RTN1: variants seen among roughly 807,000 people sequenced by gnomAD.
The protein encoded by RTN1 is reticulon-1.
A neutral mutation model predicts 65.5 loss-of-function variants in RTN1; 25 were observed. That is an observed-to-expected ratio of 0.38 (90% CI 0.28 to 0.53). The LOEUF (loss-of-function observed/expected upper bound fraction) is 0.53. Ranked by LOEUF, RTN1 falls within the 20% of genes least tolerant of loss-of-function variation. RTN1 has a pLI of 0.79. For missense variants in RTN1, 983 were observed against 1,025.4 expected (o/e 0.96, Z 0.57); for synonymous variants, 471 against 447.6 (o/e 1.05, Z -0.66).
intron 1 of RTN1, among the ~76,000 whole-genome samples, chr14:59,856,818 T>A (rs1887617184): frequency 6.6e-6 from 1 of 152,342 alleles, no homozygotes; most frequent in South Asian, 2.1e-4. Context: ...CCAGGCTTCC[T>A]ATTAATAGTA....
chr14:59,819,429 CCCACCCCCCCCCCCCG>C (rs1886892884), intron 1 of RTN1, among the ~76,000 whole-genome samples: 2 of 14,474 alleles, frequency 1.4e-4, no homozygotes, highest in South Asian at 3.9e-3. Context: ...CCCCCCACCC[CCCACCCCCCCCCCCCG>C]GCCACAGCTA....
chr14:59,767,532 C>G (rs1447877667), intron 1 of RTN1, among the ~76,000 whole-genome samples: 1 of 152,148 alleles, frequency 6.6e-6, no homozygotes, highest in African/African-American at 2.4e-5. Flanking sequence ...GTTATGGCAG[C>G]TTAGCCTATA....
intron 3 of RTN1, among the ~76,000 whole-genome samples, chr14:59,717,804 C>A (rs1327224584): frequency 6.6e-6 from 1 of 152,148 alleles, no homozygotes. Flanking sequence ...ATCCAACTGG[C>A]CTTGGAAAAA....
At position 59,797,679 on chromosome 14, in the gene RTN1, GA is replaced by G. The variant is rs570354850; in HGVS notation, c.242-51199del. 1.1e-3 allele frequency among the ~76,000 whole-genome samples: 166 copies of G among 152,194 alleles called. 1 individual carries two copies. The Middle Eastern group carries it at 0.014, about 12-fold the overall frequency. On this transcript the variant is annotated intron_variant, in intron 1 of 8. Transcript: ENST00000267484. ...TCACAGTCTGAAATTCTCATTATTA[GA>G]ATTATTTCTTTGGTTTAAAGCATTA...
chr14:59,795,800 T>C (rs1272276504), intron 1 of RTN1, among the ~76,000 whole-genome samples: 3 of 152,220 alleles, frequency 2.0e-5, no homozygotes, highest in Non-Finnish European at 2.9e-5. Flanking sequence ...TGCTGATTAA[T>C]GTCACAGAAG....
intron 4 of RTN1, chr14:59,606,126 A>ATATATATATATATATATC (rs66961672): frequency 1.0e-4 from 13 of 124,178 alleles, no homozygotes; most frequent in African/African-American, 2.7e-4. Flanking sequence ...ATATATATAT[A>ATATATATATATATATATC]TCATACCAGC....
At chr14:59,777,846 AACACACAC>A (rs36006273) in intron 1 of RTN1, among the ~76,000 whole-genome samples, 7 of 150,138 alleles carry the variant, frequency 4.7e-5, no homozygotes, top group Admixed American at 3.3e-4. Flanking sequence ...AAAACAACAA[AACACACAC>A]ACACACACAC....
At chr14:59,840,573 A>C (rs183055607) in intron 1 of RTN1, among the ~76,000 whole-genome samples, 3 of 152,356 alleles carry the variant, frequency 2.0e-5, no homozygotes, top group Admixed American at 2.0e-4. Context: ...TATATACTAC[A>C]TGATCAAGAA....
At chr14:59,839,512 G>C (rs931630264) in intron 1 of RTN1, among the ~76,000 whole-genome samples, 1 of 152,068 alleles carries the variant, frequency 6.6e-6, no homozygotes, top group Non-Finnish European at 1.5e-5. Flanking sequence ...CTCTCCTGAG[G>C]AACTCAGGTT....
At position 59,739,930 on chromosome 14, in the gene RTN1, G is replaced by A. The variant is rs959495940; in HGVS notation, c.1015+5778C>T. On this transcript the variant is annotated intron_variant, in intron 2 of 8. Coordinates refer to ENST00000267484, the MANE Select transcript of RTN1 (RefSeq NM_021136.3). The stretch of plus-strand genomic sequence containing the variant: ...AACTGCTAGGACTGAGGAAACTCCT[G>A]CTTGCACAATATTCCTGGGAGGCCA... Among the ~76,000 whole-genome samples the A allele has an allele frequency of 2.0e-5, 3 of 152,160 alleles. No individual in the cohort carries two copies. The East Asian group carries it at 5.8e-4, about 29-fold the overall frequency.
intron 3 of RTN1, among the ~76,000 whole-genome samples, chr14:59,689,498 A>G (rs1472465700): frequency 6.6e-6 from 1 of 152,230 alleles, no homozygotes; most frequent in African/African-American, 2.4e-5. Context: ...TCATGAAGGC[A>G]TATAGTCACC....
rs865898956 is a variant in RTN1, at chr14:59,816,221, G to A, written c.241+54169C>T. Among the ~76,000 whole-genome samples, 6 of 151,580 alleles carry A rather than the reference G, an allele frequency of 4.0e-5. No homozygotes were observed. The highest frequency in any genetic ancestry group is 2.1e-4 in the South Asian group (1 of 4,814). Reference sequence around the variant, plus strand: ...CACACACACACACAAGCTTGCGTGCGTGCACACACACAGACACACACACAC... The same window carrying A: ...CACACACACACACAAGCTTGCGTGCATGCACACACACAGACACACACACAC... On this transcript the variant is annotated intron_variant, in intron 1 of 8. Transcript: ENST00000267484. This position sits in a 1 kb window ranked among gnomAD's most constrained non-coding sequence, Gnocchi z 4.3.
At chr14:59,672,635 T>TTC (rs796400011) in intron 3 of RTN1, among the ~76,000 whole-genome samples, 1 of 117,812 alleles carries the variant, frequency 8.5e-6, no homozygotes, top group Non-Finnish European at 1.6e-5. Context: ...CTTTTTTTTT[T>TTC]TTTTTTTTTT....
intron 1 of RTN1, among the ~76,000 whole-genome samples, chr14:59,869,797 G>T (rs1466019175): frequency 6.6e-6 from 1 of 152,204 alleles, no homozygotes; most frequent in Non-Finnish European, 1.5e-5. Flanking sequence ...CCGAATTAGG[G>T]ACAAACTCCC....
chr14:59,658,049 G>A (rs1056812214), intron 3 of RTN1, among the ~76,000 whole-genome samples: 8 of 152,230 alleles, frequency 5.3e-5, no homozygotes, highest in Admixed American at 2.6e-4. Flanking sequence ...GACGCTTCAG[G>A]TTGGTGGGGG....
At chr14:59,612,469 C>G (rs528844973) in intron 3 of RTN1, among the ~76,000 whole-genome samples, 2 of 152,152 alleles carry the variant, frequency 1.3e-5, no homozygotes, top group Non-Finnish European at 2.9e-5. Flanking sequence ...TGGTCTCCTC[C>G]GCAAGGTTTG....
chr14:59,796,998 C>A (rs564154137), intron 1 of RTN1, among the ~76,000 whole-genome samples: 2 of 152,116 alleles, frequency 1.3e-5, no homozygotes, highest in Non-Finnish European at 2.9e-5. Context: ...TATATGAACT[C>A]AATTGCAAAT....
rs970743835 is a variant in RTN1, at chr14:59,664,405, G to A, written c.1766-56913C>T. On this transcript the variant is annotated intron_variant, in intron 3 of 8. Coordinates refer to ENST00000267484, the MANE Select transcript of RTN1 (RefSeq NM_021136.3). The stretch of plus-strand genomic sequence containing the variant: ...TGGGTGCAGCAAACCACCATGGCAC[G>A]TATATACCTATGTAACAAACTTGCA... Among the ~76,000 whole-genome samples the A allele has an allele frequency of 3.9e-5, 6 of 152,018 alleles. No individual in the cohort carries two copies. In the South Asian group the frequency reaches 6.2e-4, roughly 16 times the overall value.
rs181565839 is a variant in RTN1 at position 59,734,844 on chromosome 14, C to T, written c.1016-7176G>A. On this transcript the variant is annotated intron_variant, in intron 2 of 8. Coordinates refer to ENST00000267484, the MANE Select transcript of RTN1 (RefSeq NM_021136.3). ...TATTACCCAGGAAAACTTCCCCAAC[C>T]TAGTAAGACAGGCCAACACTCAAAT... is the stretch of plus-strand genomic sequence containing the variant. Among the ~76,000 whole-genome samples, 52 of 152,214 alleles carry T rather than the reference C, an allele frequency of 3.4e-4. 1 individual carries two copies. Among genetic ancestry groups the T allele is most frequent in the South Asian group, 2.1e-4 (1 of 4,820 alleles).
Sources: allele counts gnomAD v4.1 joint callset (sites outside exome capture counted in the v4.1 genomes callset), GRCh38; gene constraint gnomAD v4.1.1; non-coding constraint Gnocchi (gnomAD v3.1); transcripts MANE v1.5; gene names NCBI Gene and HGNC (gene_info 2026-07-23, HGNC 2026-07-21).